Variants in HLA-DRB1 observed in about 807,000 individuals in gnomAD.
HLA-DRB1 encodes major histocompatibility complex, class II, DR beta 1 precursor.
HLA-DRB1 carries 10 observed loss-of-function variants against 27.9 expected under a neutral mutation model. The observed-to-expected ratio is 0.36, with a 90% CI of 0.22 to 0.61. The LOEUF (loss-of-function observed/expected upper bound fraction) is 0.61, where lower values mean the gene tolerates loss of function less well. HLA-DRB1 is among the 20% of genes least tolerant of loss of function. The pLI is 0.73. For missense variants in HLA-DRB1, 118 were observed against 306.3 expected, an observed-to-expected ratio of 0.39 and a Z score of 4.59; for synonymous variants, 57 against 126.7, an observed-to-expected ratio of 0.45 and a Z score of 3.69.
chr6:32,585,543 G>A (rs564908498), intron 1 of HLA-DRB1, among the ~76,000 whole-genome samples: 1,728 of 50,066 alleles, frequency 0.035, no homozygotes, highest in East Asian at 0.16. Context: ...TAACTTTTCT[G>A]ATCCTATAAC....
At chr6:32,588,230 A>T (rs6904562) in intron 1 of HLA-DRB1, among the ~76,000 whole-genome samples, 106 of 138,538 alleles carry the variant, frequency 7.7e-4, no homozygotes, top group Non-Finnish European at 1.4e-3. Context: ...CCAAGGCAGG[A>T]GGATTGCTTG....
intron 1 of HLA-DRB1, among the ~76,000 whole-genome samples, chr6:32,586,898 A>G (rs111517012): frequency 0.15 from 15,353 of 99,122 alleles, 1,768 homozygotes; most frequent in Non-Finnish European, 0.19. Context: ...TAATTCATTA[A>G]CAAGCTAAGC....
At chr6:32,581,897 TGGC>T in intron 2 of HLA-DRB1, 59 bp from the exon 3 acceptor site, 7 of 874,850 alleles carry the variant, frequency 8.0e-6, no homozygotes, top group South Asian at 1.6e-5. Context: ...TCTCCTGGTT[TGGC>T]TGTGTGTCTG....
At chr6:32,587,522 G>A (rs9270144) in intron 1 of HLA-DRB1, among the ~76,000 whole-genome samples, 1 of 89,102 alleles carries the variant, frequency 1.1e-5, no homozygotes, top group Non-Finnish European at 2.3e-5. Context: ...CCATTTCCTT[G>A]CTTTCTATAC....
At position 32,580,119 on chromosome 6, in the gene HLA-DRB1, AAAAAAAC is replaced by A; in HGVS notation, c.787+121_787+127del. 5 of 177,270 alleles carry A rather than the reference AAAAAAAC, an allele frequency of 2.8e-5. 1 individual carries two copies. In the South Asian group the frequency reaches 2.8e-4, roughly 10 times the overall value. The allele number at this position is 177,270 out of a possible 1,614,324, so 11.0% of individuals were successfully genotyped here. On this transcript the variant is annotated intron_variant, in intron 5 of 5. Transcript: ENST00000360004. ...CTCCGTCTCAAAAAAAAAAAAAAAA[AAAAAAAC>A]AAAAAAAAACCTCTTGTAAGAAAAG... is the stretch of plus-strand genomic sequence containing the variant.
chr6:32,584,731 T>A (rs28724131), intron 1 of HLA-DRB1, among the ~76,000 whole-genome samples: 10,871 of 75,988 alleles, frequency 0.14, 2 homozygotes, highest in Admixed American at 0.22. Flanking sequence ...GCTCCTCTCA[T>A]CCCACACGCT....
intron 3 of HLA-DRB1, among the ~76,000 whole-genome samples, chr6:32,581,340 A>AAAAAAAG (rs1248437294): frequency 5.5e-5 from 5 of 91,086 alleles, no homozygotes; most frequent in East Asian, 3.0e-4. Flanking sequence ...CAAAAGAGGG[A>AAAAAAAG]CAGTCTCTCC....
intron 1 of HLA-DRB1, among the ~76,000 whole-genome samples, chr6:32,586,885 C>T (rs111422912): frequency 1.9e-5 from 2 of 107,004 alleles, no homozygotes; most frequent in Admixed American, 1.2e-4. Context: ...ACCCCCTTTA[C>T]AGTAATTCAT....
intron 1 of HLA-DRB1, among the ~76,000 whole-genome samples, chr6:32,585,311 A>C (rs111336845): frequency 2.5e-4 from 19 of 75,436 alleles, no homozygotes; most frequent in Admixed American, 6.1e-4. Context: ...GTCACTACTC[A>C]CTAATGATGG....
At chr6:32,584,290 C>T (rs17882603) in exon 2 of HLA-DRB1, 604,015 of 1,246,140 alleles carry the variant, frequency 0.48, 160,263 homozygotes, top group Admixed American at 0.6. Flanking sequence ...CGGACTCCTC[C>T]TGGTTATAGA....
At chr6:32,586,118 C>T (rs1776344718) in intron 1 of HLA-DRB1, among the ~76,000 whole-genome samples, 1 of 43,232 alleles carries the variant, frequency 2.3e-5, no homozygotes, top group Non-Finnish European at 4.8e-5. Context: ...GTCACCACTG[C>T]ACACAGGGGC....
At chr6:32,588,055 C>T (rs5000802) in intron 1 of HLA-DRB1, among the ~76,000 whole-genome samples, 57,709 of 123,716 alleles carry the variant, frequency 0.47, 11,341 homozygotes, top group Admixed American at 0.49. Flanking sequence ...CTTCTCCTCC[C>T]AGTGATAAAT....
At chr6:32,584,739 G>C (rs1776147444) in intron 1 of HLA-DRB1, among the ~76,000 whole-genome samples, 3 of 58,710 alleles carry the variant, frequency 5.1e-5, no homozygotes, top group Non-Finnish European at 6.8e-5. Flanking sequence ...CATCCCACAC[G>C]CTTTACCGGT....
At chr6:32,585,177 A>G (rs114217086) in intron 1 of HLA-DRB1, among the ~76,000 whole-genome samples, 35,974 of 86,196 alleles carry the variant, frequency 0.42, 10,958 homozygotes, top group Middle Eastern at 0.56. Flanking sequence ...TGATAAATGC[A>G]AAATGAATGA....
At chr6:32,588,430 G>A (rs1197146500) in intron 1 of HLA-DRB1, among the ~76,000 whole-genome samples, 3 of 111,232 alleles carry the variant, frequency 2.7e-5, no homozygotes, top group East Asian at 2.9e-4. Context: ...CTATAGACTG[G>A]GTGACAGAGC....
chr6:32,584,260 C>G (rs72558165), exon 2 of HLA-DRB1: 8 of 1,518,836 alleles, frequency 5.3e-6, no homozygotes, highest in South Asian at 2.3e-5. Flanking sequence ...GGAACTCCCC[C>G]ACGTCGCTGT....
intron 2 of HLA-DRB1, among the ~76,000 whole-genome samples, chr6:32,583,876 A>G (rs9269927): frequency 0.098 from 2,887 of 29,376 alleles, 115 homozygotes; most frequent in Middle Eastern, 0.21. Flanking sequence ...CCCACAACAG[A>G]CACACAGACA....
chr6:32,583,433 CA>C (rs371733919), intron 2 of HLA-DRB1, among the ~76,000 whole-genome samples: 1,592 of 42,568 alleles, frequency 0.037, 66 homozygotes, highest in Middle Eastern at 0.1. Context: ...AACTTTAATT[CA>C]AAAAGTTAGT....
intron 2 of HLA-DRB1, among the ~76,000 whole-genome samples, chr6:32,582,784 T>C (rs28724010): frequency 5.0e-3 from 568 of 114,070 alleles, no homozygotes; most frequent in Admixed American, 8.4e-3. Flanking sequence ...ACATTTGGAT[T>C]AAGGCAGTGT....
Sources: gnomAD v4.1 joint callset for allele counts (sites outside exome capture counted in the v4.1 genomes callset) on GRCh38, gnomAD v4.1.1 for gene constraint, MANE v1.5 for transcripts, NCBI Gene and HGNC (gene_info 2026-07-23, HGNC 2026-07-21) for gene names.